DIP2C: variants seen among roughly 807,000 people sequenced by gnomAD.
The protein encoded by DIP2C is DIP2 acetate--CoA ligase C (putative).
In DIP2C, 33 loss-of-function variants were observed where a neutral mutation model predicts 192.4. The observed-to-expected ratio is 0.17, with a 90% CI of 0.13 to 0.23. DIP2C has a LOEUF of 0.23. Among genes scored for constraint, DIP2C ranks in the 10% least tolerant of loss-of-function variants. DIP2C has a pLI of 1.00. For missense variants in DIP2C, 1,537 were observed against 2,110.1 expected (o/e 0.73, Z 5.32); for synonymous variants, 979 against 864.1 (o/e 1.13, Z -2.33).
intron 1 of DIP2C, among the ~76,000 whole-genome samples, chr10:548,993 T>C (rs1848454527): frequency 6.9e-6 from 1 of 144,942 alleles, no homozygotes; most frequent in Non-Finnish European, 1.5e-5. Context: ...ACAGCTCTTC[T>C]AGTCCAATCC....
intron 3 of DIP2C, among the ~76,000 whole-genome samples, chr10:457,113 G>A (rs1373532886): frequency 6.6e-6 from 1 of 152,188 alleles, no homozygotes; most frequent in South Asian, 2.1e-4. Flanking sequence ...GATCTAGGAG[G>A]AGTTGCTTAT....
intron 32 of DIP2C, among the ~76,000 whole-genome samples, chr10:299,424 A>G (rs1222192675): frequency 6.6e-6 from 1 of 152,208 alleles, no homozygotes; most frequent in African/African-American, 2.4e-5. Flanking sequence ...AAGATTTCCA[A>G]AGTCTTTTTT....
intron 34 of DIP2C, among the ~76,000 whole-genome samples, chr10:283,705 A>C (rs778633658): frequency 6.6e-6 from 1 of 152,258 alleles, no homozygotes; most frequent in African/African-American, 2.4e-5. Context: ...AAAGCAGATT[A>C]GTTGAAGATT....
chr10:567,892 A>T (rs1849544481), intron 1 of DIP2C, among the ~76,000 whole-genome samples: 1 of 152,306 alleles, frequency 6.6e-6, no homozygotes, highest in East Asian at 1.9e-4. Context: ...AGCTCCCCAA[A>T]GCACTGGGAT....
At chr10:338,125 A>G (rs1291496903) in intron 29 of DIP2C, among the ~76,000 whole-genome samples, 2 of 152,240 alleles carry the variant, frequency 1.3e-5, no homozygotes, top group African/African-American at 4.8e-5. Context: ...TTATTTTTGT[A>G]TAGTTGTATA....
chr10:491,375 A>AG (rs1353910014), intron 1 of DIP2C, among the ~76,000 whole-genome samples: 1 of 152,240 alleles, frequency 6.6e-6, no homozygotes, highest in Non-Finnish European at 1.5e-5. Flanking sequence ...TACGGCTGTC[A>AG]GGAGCCCTGG....
chr10:486,516 T>C lies in DIP2C; in HGVS notation c.100A>G (p.Lys34Glu). 6.2e-7 allele frequency: 1 copy of C among 1,606,118 alleles called. No homozygotes were observed. Among genetic ancestry groups the C allele is most frequent in the East Asian group, 2.3e-5 (1 of 44,412 alleles). ...TTTGACCTCTTCTTTTCATATCCTT[T>C]TTGTGTGATGTCACCTGCAAGAGAA... Reference protein sequence around the residue: ...LELSEGDITQKGYEKKRSKLI... With the variant: ...LELSEGDITQEGYEKKRSKLI... Residue 34 changes from lysine (K) to glutamate (E), a missense_variant, in exon 2 of 37, where the codon AAA becomes GAA. Transcript: ENST00000280886.
chr10:559,785 T>C (rs1464915848), intron 1 of DIP2C, among the ~76,000 whole-genome samples: 2 of 152,148 alleles, frequency 1.3e-5, no homozygotes, highest in East Asian at 1.9e-4. Flanking sequence ...CGGAGCCCCA[T>C]GGCCCCGGCC....
chr10:416,479 T>C (rs1000759078), intron 6 of DIP2C, among the ~76,000 whole-genome samples: 2 of 152,046 alleles, frequency 1.3e-5, no homozygotes, highest in Admixed American at 1.3e-4. Context: ...TCACACGCGT[T>C]CCAAACCCAC....
intron 1 of DIP2C, among the ~76,000 whole-genome samples, chr10:679,551 A>C (rs1368544813): frequency 3.5e-5 from 1 of 28,630 alleles, no homozygotes; most frequent in African/African-American, 1.3e-4. Context: ...CCCCGCACCC[A>C]TCCTCCCCGC....
chr10:380,434 C>T (rs1962263749), intron 17 of DIP2C, among the ~76,000 whole-genome samples: 1 of 151,862 alleles, frequency 6.6e-6, no homozygotes, highest in Non-Finnish European at 1.5e-5. Context: ...GTTTAACACG[C>T]AGAAGAGGCT....
chr10:572,728 A>T (rs957162980), intron 1 of DIP2C, among the ~76,000 whole-genome samples: 1 of 152,306 alleles, frequency 6.6e-6, no homozygotes, highest in East Asian at 1.9e-4. Context: ...CATTCATCTG[A>T]AAGTCACAGA....
intron 1 of DIP2C, among the ~76,000 whole-genome samples, chr10:501,649 T>C (rs1249845313): frequency 1.3e-5 from 2 of 151,978 alleles, no homozygotes; most frequent in Non-Finnish European, 2.9e-5. Context: ...CAAGGTGACT[T>C]GCAGAACAAA....
intron 2 of DIP2C, among the ~76,000 whole-genome samples, chr10:485,868 C>G (rs944934551): frequency 2.6e-5 from 4 of 152,224 alleles, no homozygotes; most frequent in Non-Finnish European, 5.9e-5. Flanking sequence ...AACTGAGGTG[C>G]TAGAATCCCC....
intron 1 of DIP2C, among the ~76,000 whole-genome samples, chr10:511,066 G>A (rs1845981899): frequency 6.6e-6 from 1 of 152,228 alleles, no homozygotes. Context: ...ACACACGTAA[G>A]TCTTTCTTGC....
chr10:456,610 C>T (rs2133359338), intron 3 of DIP2C, among the ~76,000 whole-genome samples: 1 of 152,316 alleles, frequency 6.6e-6, no homozygotes, highest in African/African-American at 2.4e-5. Context: ...GAGAAGAAAG[C>T]CAAGCCTGGG....
chr10:514,871 G>A (rs1411398219), intron 1 of DIP2C, among the ~76,000 whole-genome samples: 1 of 152,192 alleles, frequency 6.6e-6, no homozygotes, highest in Non-Finnish European at 1.5e-5. Context: ...CTGTGGAAGT[G>A]AAGGGGGTAA....
chr10:438,420 A>AAC (rs929975972), intron 4 of DIP2C, among the ~76,000 whole-genome samples: 1 of 152,264 alleles, frequency 6.6e-6, no homozygotes, highest in Non-Finnish European at 1.5e-5. Flanking sequence ...TTACACAAAG[A>AAC]ACACATACAA....
At chr10:559,329 C>T (rs907362764) in intron 1 of DIP2C, among the ~76,000 whole-genome samples, 16 of 140,900 alleles carry the variant, frequency 1.1e-4, no homozygotes, top group African/African-American at 4.0e-4. Flanking sequence ...CGGTGGGGAA[C>T]GCCGGGGGAA....
Sources: gnomAD v4.1 joint callset for allele counts (sites outside exome capture counted in the v4.1 genomes callset) on GRCh38, gnomAD v4.1.1 for gene constraint, MANE v1.5 for transcripts, NCBI Gene and HGNC (gene_info 2026-07-23, HGNC 2026-07-21) for gene names.